Variants in MAP2K4 observed in about 807,000 individuals in gnomAD.
The protein encoded by MAP2K4 is dual specificity mitogen-activated protein kinase kinase 4.
MAP2K4 carries 4 observed loss-of-function variants against 48.5 expected under a neutral mutation model. That is an observed-to-expected ratio of 0.08 (90% CI 0.04 to 0.19). The LOEUF (loss-of-function observed/expected upper bound fraction) is 0.19, where lower values mean the gene tolerates loss of function less well. MAP2K4 is among the 10% of genes least tolerant of loss of function. MAP2K4 has a pLI of 1.00. For missense variants in MAP2K4, 258 were observed against 493.3 expected (o/e 0.52, Z 4.52); for synonymous variants, 166 against 173.1 (o/e 0.96, Z 0.32).
At chr17:12,126,547 G>T (rs192581696) in intron 8 of MAP2K4, among the ~76,000 whole-genome samples, 1 of 152,286 alleles carries the variant, frequency 6.6e-6, no homozygotes, top group East Asian at 1.9e-4. Context: ...AGTCTCACAT[G>T]GCAGAAGAGG....
chr17:12,088,278 A>G (rs987679558), intron 3 of MAP2K4, among the ~76,000 whole-genome samples: 6 of 151,924 alleles, frequency 3.9e-5, no homozygotes, highest in African/African-American at 1.4e-4. Context: ...TAATGACAGT[A>G]ACCTTAAGAG....
chr17:12,091,257 A>G (rs565475256), intron 3 of MAP2K4, among the ~76,000 whole-genome samples: 1 of 152,380 alleles, frequency 6.6e-6, no homozygotes, highest in African/African-American at 2.4e-5. Flanking sequence ...TAAATCTACC[A>G]ATGACTTCCA....
chr17:12,072,268 A>G (rs1049210714), intron 2 of MAP2K4, among the ~76,000 whole-genome samples: 1 of 152,218 alleles, frequency 6.6e-6, no homozygotes, highest in African/African-American at 2.4e-5. Context: ...GGAGTTTGGA[A>G]CAGACTAGGT....
intron 1 of MAP2K4, among the ~76,000 whole-genome samples, chr17:12,040,299 C>T (rs930057146): frequency 1.3e-5 from 2 of 152,082 alleles, no homozygotes; most frequent in African/African-American, 2.4e-5. Flanking sequence ...TTGGGGCATA[C>T]GACTGAAAGC....
At chr17:12,032,127 C>T (rs988130680) in intron 1 of MAP2K4, 3 of 401,770 alleles carry the variant, frequency 7.5e-6, no homozygotes, top group Non-Finnish European at 8.8e-6. Context: ...GTGTTATTGT[C>T]TCTGGTGGGG....
At chr17:12,137,402 G>T (rs1479710580) in intron 9 of MAP2K4, among the ~76,000 whole-genome samples, 2 of 152,052 alleles carry the variant, frequency 1.3e-5, no homozygotes, top group East Asian at 3.9e-4. Flanking sequence ...AGGAAATAAA[G>T]GTATAAATTC....
rs55794822 is a variant in MAP2K4 at position 12,139,845 on chromosome 17, G to A, written c.1047G>A (p.Thr349=). The change falls in exon 10 of 11, where the codon ACG becomes ACA. Residue 349 remains threonine, a synonymous_variant. Coordinates refer to ENST00000353533, the MANE Select transcript of MAP2K4 (RefSeq NM_003010.4). ...TATTTTTATGTTATTTTAGCCTTAC[G>A]AAGGATGAATCCAAAAGGCCAAAGT... is the stretch of plus-strand genomic sequence containing the variant. The part of the protein sequence containing the change: ...SFINFVNLCL[T]KDESKRPKYK... 512 of 1,603,634 alleles carry A rather than the reference G, an allele frequency of 3.2e-4. 3 individuals are homozygous for A. The East Asian group carries it at 7.3e-3, about 23-fold the overall frequency.
intron 7 of MAP2K4, among the ~76,000 whole-genome samples, chr17:12,119,039 G>T (rs1361235748): frequency 6.6e-6 from 1 of 152,182 alleles, no homozygotes; most frequent in Non-Finnish European, 1.5e-5. Context: ...AATTAATGAA[G>T]CTTCAGTTTT....
intron 7 of MAP2K4, among the ~76,000 whole-genome samples, chr17:12,122,607 A>G (rs1021386478): frequency 1.3e-5 from 2 of 152,166 alleles, no homozygotes; most frequent in African/African-American, 4.8e-5. Flanking sequence ...TGTGTCTGTG[A>G]ATAAAGGTAA....
In MAP2K4 at chr17:12,095,166, A is replaced by C. The variant is rs76969710; in HGVS notation, c.394-409A>C. On this transcript the variant is annotated intron_variant, in intron 3 of 10. Transcript: ENST00000353533. ...AGGGATGTTCTTGCATTGAATGCCT[A>C]GATTGCATACAATTTTGAAACGGTG... Among the ~76,000 whole-genome samples, 35 of 152,312 alleles carry C rather than the reference A, an allele frequency of 2.3e-4. No individual in the cohort carries two copies. The East Asian group carries it at 6.6e-3, about 29-fold the overall frequency.
intron 1 of MAP2K4, chr17:12,032,216 G>T: frequency 9.5e-7 from 1 of 1,054,698 alleles, no homozygotes; most frequent in East Asian, 2.8e-5. Flanking sequence ...TCCAATTTTG[G>T]TTTGTTTGAT....
Position 12,141,204 on chromosome 17 carries a change from T to G in MAP2K4, c.1144T>G (p.Cys382Gly), listed in dbSNP as rs1973368651. 1.9e-6 allele frequency: 3 copies of G among 1,613,998 alleles called. No homozygotes were observed. The highest frequency in any genetic ancestry group is 2.5e-6 in the Non-Finnish European group (3 of 1,179,838). ...ERAVEVACYV[C>G]KILDQMPATP... ...TGCCGTTGAGGTCGCATGCTATGTTTGTAAAATCCTGGATCAAATGCCAGC... is the reference window on the plus strand; with the variant it reads ...TGCCGTTGAGGTCGCATGCTATGTTGGTAAAATCCTGGATCAAATGCCAGC... Residue 382 changes from cysteine to glycine, a missense_variant, in exon 11 of 11, where the codon TGT (cysteine) becomes GGT (glycine). Transcript: ENST00000353533.
chr17:12,108,016 A>T, intron 5 of MAP2K4, 107 bp downstream of exon 5: 1 of 1,013,148 alleles, frequency 9.9e-7, no homozygotes, highest in Non-Finnish European at 1.4e-6. Flanking sequence ...CCTTCCTGAA[A>T]ATAATTCATA....
Position 12,081,380 on chromosome 17 carries a change from T to C in MAP2K4, c.243T>C (p.Ile81=). 6.2e-7 allele frequency: 1 copy of C among 1,613,658 alleles called. No individual in the cohort carries two copies. The highest frequency in any genetic ancestry group is 8.5e-7 in the Non-Finnish European group (1 of 1,179,910). Residue 81 remains isoleucine (I), a synonymous_variant, in exon 3 of 11, where the codon ATT becomes ATC. Coordinates refer to ENST00000353533, the MANE Select transcript of MAP2K4 (RefSeq NM_003010.4). This position sits in a 1 kb window ranked among gnomAD's most constrained non-coding sequence, Gnocchi z 4.2. ...PHIERLRTHS[I]ESSGKLKISP... ...GAGAGAGACTGAGAACACACAGCAT[T>C]GAGTCATCAGGAAAACTGAAGATCT...
At chr17:12,102,763 T>G (rs1372987013) in intron 4 of MAP2K4, among the ~76,000 whole-genome samples, 1 of 152,120 alleles carries the variant, frequency 6.6e-6, no homozygotes, top group Non-Finnish European at 1.5e-5. Context: ...TTTGTTTCTT[T>G]GAAGAAATTT....
At chr17:12,063,914 G>A (rs919706299) in intron 2 of MAP2K4, among the ~76,000 whole-genome samples, 2 of 143,674 alleles carry the variant, frequency 1.4e-5, no homozygotes, top group Middle Eastern at 3.7e-3. Context: ...GGAGGTTGCC[G>A]TAAGTAGAGA....
intron 1 of MAP2K4, among the ~76,000 whole-genome samples, chr17:12,039,094 A>G (rs1969695262): frequency 1.3e-5 from 2 of 152,202 alleles, no homozygotes; most frequent in South Asian, 2.1e-4. Context: ...ATCTACCACT[A>G]GGGAAAACGA....
intron 1 of MAP2K4, among the ~76,000 whole-genome samples, chr17:12,035,884 C>G (rs1355608226): frequency 6.6e-6 from 1 of 152,134 alleles, no homozygotes; most frequent in Non-Finnish European, 1.5e-5. Flanking sequence ...CATTGACTTT[C>G]ACATAGTTTT....
intron 6 of MAP2K4, among the ~76,000 whole-genome samples, chr17:12,112,511 T>G (rs1204003433): frequency 6.6e-6 from 1 of 151,948 alleles, no homozygotes; most frequent in Non-Finnish European, 1.5e-5. Flanking sequence ...AATGGATGTT[T>G]GATAGGCCCA....
Sources: gnomAD v4.1 joint callset for allele counts (sites outside exome capture counted in the v4.1 genomes callset) on GRCh38, gnomAD v4.1.1 for gene constraint, Gnocchi (gnomAD v3.1) non-coding constraint, MANE v1.5 for transcripts, NCBI Gene and HGNC (gene_info 2026-07-23, HGNC 2026-07-21) for gene names.